UBE2D3: variants seen among roughly 807,000 people sequenced by gnomAD.
The protein encoded by UBE2D3 is ubiquitin conjugating enzyme E2 D3, also known as ubiquitin-conjugating enzyme E2 D3.
In UBE2D3, 2 loss-of-function variants were observed where a neutral mutation model predicts 22.8. The ratio of observed to expected loss-of-function variants is 0.09; its 90% CI spans 0.04 to 0.28. UBE2D3 has a LOEUF of 0.28. Ranked by LOEUF, UBE2D3 falls within the 10% of genes least tolerant of loss-of-function variation. The pLI is 1.00. For missense variants in UBE2D3, 27 were observed against 182.5 expected (o/e 0.15, Z 4.91); for synonymous variants, 56 against 60.4 (o/e 0.93, Z 0.34).
At chr4:102,819,679 A>G (rs997536869) in intron 2 of UBE2D3, 45 of 733,938 alleles carry the variant, frequency 6.1e-5, no homozygotes, top group Non-Finnish European at 6.8e-5. Flanking sequence ...CATGGATTCT[A>G]CCTTTAAGAC....
chr4:102,799,263 T>C, intron 7 of UBE2D3, 144 bp downstream of exon 7: 3 of 722,672 alleles, frequency 4.2e-6, no homozygotes, highest in Non-Finnish European at 4.5e-6. Flanking sequence ...TAAGTTTTTT[T>C]AAATAACCAC....
intron 1 of UBE2D3, among the ~76,000 whole-genome samples, chr4:102,839,504 A>T (rs1268688344): frequency 6.6e-6 from 1 of 152,112 alleles, no homozygotes; most frequent in African/African-American, 2.4e-5. Flanking sequence ...AACTCCTGGG[A>T]TCAAGCAACC....
chr4:102,807,504 A>G (rs1423563454), intron 4 of UBE2D3, among the ~76,000 whole-genome samples: 1 of 152,180 alleles, frequency 6.6e-6, no homozygotes, highest in East Asian at 1.9e-4. Context: ...CTGAAAACAT[A>G]TTTCAGTGAG....
chr4:102,826,882 G>A (rs993202001), intron 1 of UBE2D3: 3 of 1,060,432 alleles, frequency 2.8e-6, no homozygotes, highest in East Asian at 8.4e-5. Flanking sequence ...AGGAAGAGGC[G>A]TAGGAGAAAG....
upstream of UBE2D3, among the ~76,000 whole-genome samples, chr4:102,830,543 A>T (rs1731064072): frequency 6.6e-6 from 1 of 152,214 alleles, no homozygotes; most frequent in Non-Finnish European, 1.5e-5. Flanking sequence ...GCATGAATTG[A>T]CATAAAACAT....
chr4:102,814,383 G>C (rs1416880306), intron 2 of UBE2D3, among the ~76,000 whole-genome samples: 1 of 150,936 alleles, frequency 6.6e-6, no homozygotes, highest in East Asian at 1.9e-4. Flanking sequence ...CCTCCTCCCA[G>C]GTTCAAGTGA....
At chr4:102,834,328 T>G (rs894949735) in intron 1 of UBE2D3, among the ~76,000 whole-genome samples, 3 of 152,188 alleles carry the variant, frequency 2.0e-5, no homozygotes. Context: ...TATATGATTA[T>G]AAGCAGGCAG....
At chr4:102,824,835 C>G (rs116603228) in intron 2 of UBE2D3, among the ~76,000 whole-genome samples, 1 of 152,194 alleles carries the variant, frequency 6.6e-6, no homozygotes, top group African/African-American at 2.4e-5. Flanking sequence ...CACACTGTAA[C>G]ATACAACTAG....
chr4:102,799,572 T>A (rs1725796605), intron 6 of UBE2D3, 72 bp from the exon 7 acceptor site: 1 of 1,136,592 alleles, frequency 8.8e-7, no homozygotes, highest in African/African-American at 1.6e-5. Flanking sequence ...AAACCGTGTA[T>A]TACAAAACTC....
chr4:102,858,507 A>G (rs900319176), intron 1 of UBE2D3, among the ~76,000 whole-genome samples: 1 of 151,822 alleles, frequency 6.6e-6, no homozygotes, highest in African/African-American at 2.4e-5. Context: ...TAGGTTTGGC[A>G]TCTCTAGGAG....
Position 102,800,875 on chromosome 4 carries a change from G to A in UBE2D3, c.304+579C>T, listed in dbSNP as rs140463094. On this transcript the variant is annotated intron_variant, in intron 6 of 7. Transcript: ENST00000453744. Reference sequence around the variant, plus strand: ...ACAACTTCACCTGGGATATTCATGCGGAGACCGGAAAACTTGTTACATATA... The same window carrying A: ...ACAACTTCACCTGGGATATTCATGCAGAGACCGGAAAACTTGTTACATATA... Among the ~76,000 whole-genome samples the A allele has an allele frequency of 1.4e-3, 212 of 152,128 alleles. No individual in the cohort carries two copies. In the Middle Eastern group the frequency reaches 0.017, roughly 12 times the overall value.
chr4:102,853,831 C>T (rs1460189351), intron 1 of UBE2D3, among the ~76,000 whole-genome samples: 2 of 152,096 alleles, frequency 1.3e-5, no homozygotes, highest in African/African-American at 2.4e-5. Context: ...AATTCAATTT[C>T]GCCTACTGTG....
chr4:102,826,792 C>T, intron 1 of UBE2D3, 156 bp from the exon 2 acceptor site: 12 of 1,249,312 alleles, frequency 9.6e-6, no homozygotes, highest in Non-Finnish European at 1.2e-5. Flanking sequence ...GAAGTGGGGG[C>T]GAGGGTGACG....
chr4:102,811,732 T>C, intron 2 of UBE2D3: 1 of 431,792 alleles, frequency 2.3e-6, no homozygotes, highest in South Asian at 1.7e-5. Context: ...GACCAAGTAC[T>C]AGAAAGCAAA....
chr4:102,797,632 T>C (rs1433330593), intron 7 of UBE2D3, among the ~76,000 whole-genome samples, 172 bp from the exon 8 acceptor site: 1 of 151,882 alleles, frequency 6.6e-6, no homozygotes, highest in Non-Finnish European at 1.5e-5. Flanking sequence ...CTCAAAGCAA[T>C]GTGGGAAATG....
In UBE2D3 at chr4:102,796,343, A is replaced by G. The variant is rs1315659592; in HGVS notation, c.*1072T>C. On this transcript the variant is annotated 3_prime_UTR_variant, in exon 8 of 8. Transcript: ENST00000453744. Reference sequence around the variant, plus strand: ...TATGAACTCTAGGGCTGCCAGTATCATGTGCAGCACATTAAAGCTACACTA... The same window carrying G: ...TATGAACTCTAGGGCTGCCAGTATCGTGTGCAGCACATTAAAGCTACACTA... The G allele has an allele frequency of 6.6e-6, 1 of 152,502 alleles. No homozygotes were observed. The highest frequency in any genetic ancestry group is 2.4e-5 in the African/African-American group (1 of 41,452). 9.4% of individuals were successfully genotyped at this position (152,502 alleles called of 1,614,324 possible).
intron 1 of UBE2D3, among the ~76,000 whole-genome samples, chr4:102,861,892 A>C (rs67236825): frequency 0.057 from 8,700 of 151,952 alleles, 439 homozygotes; most frequent in Middle Eastern, 0.1. Context: ...AGCTCACTCT[A>C]TTCTATCATG....
chr4:102,843,782 T>C (rs1424450612), intron 1 of UBE2D3: 1 of 152,240 alleles, frequency 6.6e-6, no homozygotes. Flanking sequence ...TCATTTAATA[T>C]AATTTCATTA....
intron 2 of UBE2D3, among the ~76,000 whole-genome samples, chr4:102,815,290 T>C (rs1728637748): frequency 7.9e-5 from 12 of 152,126 alleles, no homozygotes; most frequent in Non-Finnish European, 1.5e-5. Context: ...GGTGATCACC[T>C]TGGCCTCCCA....
Sources: gnomAD v4.1 joint callset for allele counts (sites outside exome capture counted in the v4.1 genomes callset) on GRCh38, gnomAD v4.1.1 for gene constraint, MANE v1.5 for transcripts, NCBI Gene and HGNC (gene_info 2026-07-23, HGNC 2026-07-21) for gene names.